The following SNW1 variants were observed in gnomAD, a reference collection of about 807,000 sequenced individuals.
SNW1 encodes the protein SNW domain containing 1, also known as SNW domain-containing protein 1.
In SNW1, 9 loss-of-function variants were observed where a neutral mutation model predicts 75.6. The observed-to-expected ratio is 0.12, with a 90% CI of 0.07 to 0.21. The LOEUF (loss-of-function observed/expected upper bound fraction) is 0.21. SNW1 is among the 10% of genes least tolerant of loss of function. The probability of loss-of-function intolerance (pLI) is 1.00; values close to 1 mark genes in which losing one functional copy is unlikely to be tolerated. For missense variants in SNW1, 409 were observed against 670.9 expected (o/e 0.61, Z 4.31); for synonymous variants, 200 against 219.1 (o/e 0.91, Z 0.77).
At chr14:77,720,683 A>G (rs2080532569) in intron 12 of SNW1, 28 bp downstream of exon 12, 2 of 1,409,872 alleles carry the variant, frequency 1.4e-6, no homozygotes, top group African/African-American at 1.4e-5. Flanking sequence ...ACATCAACAC[A>G]CACAATATGC....
At chr14:77,756,210 G>A (rs1479164920) in intron 1 of SNW1, among the ~76,000 whole-genome samples, 8 of 151,164 alleles carry the variant, frequency 5.3e-5, no homozygotes, top group East Asian at 3.9e-4. Flanking sequence ...AACCTCTGTC[G>A]CCTGGATTCG....
Position 77,732,618 on chromosome 14 carries a change from C to A in SNW1, c.775-17G>T. On this transcript the variant is annotated splice_polypyrimidine_tract_variant and intron_variant, in intron 8 of 13. Transcript: ENST00000261531. ...TGTATAACCCTAGAGTGAAAGCAGA[C>A]AGAAAACCCAGTCACAGAAGTGCTT... The A allele has an allele frequency of 7.5e-7, 1 of 1,324,570 alleles. No homozygotes were observed. Among genetic ancestry groups the A allele is most frequent in the Non-Finnish European group, 1.1e-6 (1 of 926,740 alleles). The allele number at this position is 1,324,570 out of a possible 1,614,324, so 82.1% of individuals were successfully genotyped here. A position where few individuals can be genotyped will look rare whatever the true frequency, so the allele number is the denominator to read the frequency against.
intron 1 of SNW1, chr14:77,760,602 A>C (rs1347748241): frequency 3.0e-5 from 21 of 696,166 alleles, no homozygotes; most frequent in Non-Finnish European, 5.5e-5. Context: ...GACGGCGGTC[A>C]CTACTGTGGC....
At position 77,756,030 on chromosome 14, in the gene SNW1, C is replaced by T. The variant is rs558854491; in HGVS notation, c.15-910G>A. 4.6e-5 allele frequency among the ~76,000 whole-genome samples: 7 copies of T among 152,276 alleles called. No homozygotes were observed. In the East Asian group the frequency reaches 9.7e-4, roughly 21 times the overall value. On this transcript the variant is annotated intron_variant, in intron 1 of 13. Transcript: ENST00000261531. ...CTAGGATTACAGGTGTGAACCACCA[C>T]GCCCAGCCTGTTTCCATATTTCTTA...
intron 12 of SNW1, among the ~76,000 whole-genome samples, chr14:77,720,090 T>C (rs2080526803): frequency 6.6e-6 from 1 of 152,238 alleles, no homozygotes; most frequent in African/African-American, 2.4e-5. Context: ...AATTGATATA[T>C]TTCTATAGCA....
At position 77,754,983 on chromosome 14, in the gene SNW1, A is replaced by C; in HGVS notation, c.152T>G (p.Ile51Arg). The change falls in exon 2 of 14, where the codon ATA (isoleucine) becomes AGA (arginine). Residue 51 changes from isoleucine (I) to arginine (R), a missense_variant. Ile to Arg is a moderately conservative substitution (Grantham distance 97). Transcript: ENST00000261531. ...PPPYGYRKGW[I>R]PRLLEDFGDG... is the part of the protein sequence containing the mutation. ...TATATGTACCTCTAATAACCGAGGTATCCAGCCTTTCCGGTATCCGTACGG... is the reference window on the plus strand; with the variant it reads ...TATATGTACCTCTAATAACCGAGGTCTCCAGCCTTTCCGGTATCCGTACGG... The C allele has an allele frequency of 6.2e-7, 1 of 1,602,806 alleles. No homozygotes were observed. Among genetic ancestry groups the C allele is most frequent in the Non-Finnish European group, 8.5e-7 (1 of 1,174,164 alleles).
intron 1 of SNW1, among the ~76,000 whole-genome samples, chr14:77,759,427 C>T (rs2080868230): frequency 6.6e-6 from 1 of 152,114 alleles, no homozygotes; most frequent in African/African-American, 2.4e-5. Flanking sequence ...GCAGGAGGAT[C>T]ACCTGAGCCT....
chr14:77,718,568 C>T (rs755436658), intron 12 of SNW1, 38 bp from the exon 13 acceptor site: 4 of 1,348,598 alleles, frequency 3.0e-6, no homozygotes, highest in Non-Finnish European at 4.1e-6. Flanking sequence ...AAAGTGTAAA[C>T]ATTGTTTATC....
chr14:77,722,389 A>C, intron 11 of SNW1: 1 of 367,070 alleles, frequency 2.7e-6, no homozygotes, highest in South Asian at 2.0e-5. Context: ...ACTACTCCTA[A>C]AAATGAGCTG....
chr14:77,741,142 T>C (rs2080715851), intron 3 of SNW1, among the ~76,000 whole-genome samples: 2 of 147,728 alleles, frequency 1.4e-5, no homozygotes, highest in African/African-American at 2.5e-5. Context: ...TTTATAATAA[T>C]GACTGGAGAT....
In SNW1 at chr14:77,754,340, G is replaced by A. The variant is rs369625513; in HGVS notation, c.168+627C>T. 6.6e-5 allele frequency among the ~76,000 whole-genome samples: 10 copies of A among 152,208 alleles called. No individual in the cohort carries two copies. The South Asian group carries it at 1.9e-3, about 28-fold the overall frequency. On this transcript the variant is annotated intron_variant, in intron 2 of 13. Coordinates refer to ENST00000261531, the MANE Select transcript of SNW1 (RefSeq NM_012245.3). ...ATTACAGGTGTGAGCCACTGCGCCC[G>A]ACCGGAAGCTTGTTATTTGGCAACA...
At chr14:77,744,556 AATAG>A (rs1206901697) in intron 3 of SNW1, among the ~76,000 whole-genome samples, 1 of 152,150 alleles carries the variant, frequency 6.6e-6, no homozygotes, top group African/African-American at 2.4e-5. Context: ...AAACTCCAAA[AATAG>A]ATAGTTCAGT....
At chr14:77,732,266 T>A (rs2080633319) in intron 9 of SNW1, among the ~76,000 whole-genome samples, 3 of 152,192 alleles carry the variant, frequency 2.0e-5, no homozygotes, top group Non-Finnish European at 4.4e-5. Flanking sequence ...TGACATGTTG[T>A]GAGGGAGCCG....
intron 2 of SNW1, among the ~76,000 whole-genome samples, chr14:77,753,656 TAATA>T (rs2080823680): frequency 6.6e-6 from 1 of 152,024 alleles, no homozygotes; most frequent in Non-Finnish European, 1.5e-5. Context: ...TTATAAACTC[TAATA>T]AAGAGTGTGG....
chr14:77,722,569 A>C, intron 11 of SNW1: 1 of 429,738 alleles, frequency 2.3e-6, no homozygotes, highest in Non-Finnish European at 4.6e-6. Context: ...TAACAGTCCA[A>C]ATTTACTACT....
intron 11 of SNW1, among the ~76,000 whole-genome samples, chr14:77,721,581 CATTA>C (rs2080540833): frequency 6.6e-6 from 1 of 152,160 alleles, no homozygotes; most frequent in Non-Finnish European, 1.5e-5. Context: ...CCAAGACTGT[CATTA>C]ATTAAACACT....
In SNW1 at chr14:77,736,962, T is replaced by G. The variant is rs1409471557; in HGVS notation, c.638+9A>C. 5.0e-6 allele frequency: 8 copies of G among 1,587,568 alleles called. No individual in the cohort carries two copies. In the East Asian group the frequency reaches 1.8e-4, roughly 36 times the overall value. ...TGTGTGTATTAGTAGCCTATTCCTT[T>G]TCACTTACTTGAACCTTGGAGGCTC... On this transcript the variant is annotated intron_variant, in intron 6 of 13. Coordinates refer to ENST00000261531, the MANE Select transcript of SNW1 (RefSeq NM_012245.3).
intron 3 of SNW1, among the ~76,000 whole-genome samples, chr14:77,744,753 G>A (rs1449919076): frequency 6.6e-6 from 1 of 152,078 alleles, no homozygotes; most frequent in East Asian, 1.9e-4. Context: ...GTTGCCCTTA[G>A]ATGTTGTTTT....
intron 1 of SNW1, 176 bp downstream of exon 1, chr14:77,760,938 C>G: frequency 6.9e-7 from 1 of 1,443,938 alleles, no homozygotes; most frequent in South Asian, 1.2e-5. Flanking sequence ...CTGAAAGACC[C>G]CAGCTTCGAC....
Sources: allele counts gnomAD v4.1 joint callset (sites outside exome capture counted in the v4.1 genomes callset), GRCh38; gene constraint gnomAD v4.1.1; transcripts MANE v1.5; gene names NCBI Gene and HGNC (gene_info 2026-07-23, HGNC 2026-07-21).